Variants in SCNN1B observed in about 807,000 individuals in gnomAD.
The protein encoded by SCNN1B is epithelial sodium channel subunit beta.
Under a neutral mutation model 65.3 loss-of-function variants are expected in SCNN1B, and 46 were observed. The observed-to-expected ratio is 0.70, with a 90% CI of 0.56 to 0.90. The LOEUF (loss-of-function observed/expected upper bound fraction) is 0.90. SCNN1B is among the 40% of genes least tolerant of loss of function. The probability of loss-of-function intolerance (pLI) is 0.00; values close to 1 mark genes in which losing one functional copy is unlikely to be tolerated. For synonymous variants in SCNN1B, 349 were observed against 330.6 expected, an observed-to-expected ratio of 1.06 and a Z score of -0.60; for missense variants, 751 against 830.5, an observed-to-expected ratio of 0.90 and a Z score of 1.18.
At chr16:23,360,449 T>C (rs959331222) in intron 4 of SCNN1B, among the ~76,000 whole-genome samples, 5 of 151,976 alleles carry the variant, frequency 3.3e-5, no homozygotes, top group African/African-American at 1.2e-4. Flanking sequence ...CTCTGGAGGC[T>C]GAGGGGGAAG....
At chr16:23,334,312 A>G (rs2142003936) in intron 1 of SCNN1B, among the ~76,000 whole-genome samples, 1 of 152,306 alleles carries the variant, frequency 6.6e-6, no homozygotes, top group South Asian at 2.1e-4. Flanking sequence ...ATTGCTGTAA[A>G]TTCTTAGCAT....
intron 7 of SCNN1B, among the ~76,000 whole-genome samples, chr16:23,372,819 G>A (rs993918629): frequency 8.0e-5 from 12 of 150,174 alleles, no homozygotes; most frequent in Admixed American, 2.0e-4. Flanking sequence ...AAAAGAGATT[G>A]CTGGGCATGG....
intron 1 of SCNN1B, among the ~76,000 whole-genome samples, chr16:23,314,177 G>C (rs984002390): frequency 1.3e-5 from 2 of 151,712 alleles, no homozygotes; most frequent in African/African-American, 4.8e-5. Flanking sequence ...ACACCACTAC[G>C]GCCAGCTAAC....
intron 1 of SCNN1B, among the ~76,000 whole-genome samples, chr16:23,321,427 T>C (rs1427065430): frequency 6.6e-6 from 1 of 151,886 alleles, no homozygotes; most frequent in Non-Finnish European, 1.5e-5. Flanking sequence ...TGAGTGGGGG[T>C]GTGAGCAGGG....
intron 2 of SCNN1B, among the ~76,000 whole-genome samples, chr16:23,292,387 C>T (rs532124475): frequency 2.2e-4 from 33 of 151,582 alleles, no homozygotes; most frequent in Non-Finnish European, 3.8e-4. Flanking sequence ...TTAGTAGAGA[C>T]GGGGTTTCAC....
At position 23,348,707 on chromosome 16, in the gene SCNN1B, C is replaced by A. The variant is rs766887632; in HGVS notation, c.108C>A (p.His36Gln). Reference protein sequence around the residue: ...LVWYCDNTNTHGPKRIICEGP... With the variant: ...LVWYCDNTNTQGPKRIICEGP... Reference sequence around the variant, plus strand: ...GGTACTGCGACAACACCAACACCCACGGCCCCAAGCGCATCATCTGTGAGG... The same window carrying A: ...GGTACTGCGACAACACCAACACCCAAGGCCCCAAGCGCATCATCTGTGAGG... The change falls in exon 2 of 13, where the codon CAC becomes CAA. Residue 36 changes from histidine to glutamine, a missense_variant. By Grantham distance (24) the His-to-Gln change is conservative. Transcript: ENST00000343070. This position sits in a 1 kb window ranked among gnomAD's most constrained non-coding sequence, Gnocchi z 4.5. 1.2e-6 allele frequency: 2 copies of A among 1,614,134 alleles called. No individual in the cohort carries two copies. Among genetic ancestry groups the A allele is most frequent in the Non-Finnish European group, 1.7e-6 (2 of 1,180,032 alleles).
At chr16:23,323,259 T>C (rs1961625424) in intron 1 of SCNN1B, among the ~76,000 whole-genome samples, 1 of 151,486 alleles carries the variant, frequency 6.6e-6, no homozygotes, top group African/African-American at 2.4e-5. Context: ...CACAGAGGAC[T>C]TCTTGGAGGA....
chr16:23,279,957 C>A (rs774245180), intron 1 of SCNN1B, among the ~76,000 whole-genome samples: 2 of 152,176 alleles, frequency 1.3e-5, no homozygotes, highest in African/African-American at 2.4e-5. Context: ...CCTGCTGAGA[C>A]TTGTCGGTTG....
chr16:23,329,113 CATT>C (rs1477321888), intron 1 of SCNN1B, among the ~76,000 whole-genome samples: 1 of 134,004 alleles, frequency 7.5e-6, no homozygotes. Context: ...TTATTATTAT[CATT>C]ATTATTATTA....
chr16:23,359,862 TGGTGCAATGC>T lies in SCNN1B; in HGVS notation c.776+4374_776+4383del, dbSNP rs1962501001. On this transcript the variant is annotated intron_variant, in intron 4 of 12. Transcript: ENST00000343070. The stretch of plus-strand genomic sequence containing the variant: ...TAAATGAGAACATATGCAAAGTACC[TGGTGCAATGC>T]CTGGCACATAGTAAACATTATAGGA... Among the ~76,000 whole-genome samples, 3 of 152,344 alleles carry T rather than the reference TGGTGCAATGC, an allele frequency of 2.0e-5. No homozygotes were observed. In the East Asian group the frequency reaches 5.8e-4, roughly 29 times the overall value.
chr16:23,296,317 C>T (rs1960996505), intron 2 of SCNN1B, among the ~76,000 whole-genome samples: 1 of 152,148 alleles, frequency 6.6e-6, no homozygotes. Context: ...CTCCTGACTG[C>T]TTATTTTCCA....
At chr16:23,340,345 A>G (rs1449788964) in intron 1 of SCNN1B, among the ~76,000 whole-genome samples, 3 of 152,198 alleles carry the variant, frequency 2.0e-5, no homozygotes, top group Non-Finnish European at 2.9e-5. Flanking sequence ...TTAGTGTCCT[A>G]TCTGAAGATC....
At chr16:23,332,532 A>C (rs962402213) in intron 1 of SCNN1B, among the ~76,000 whole-genome samples, 39 of 151,548 alleles carry the variant, frequency 2.6e-4, no homozygotes, top group African/African-American at 9.0e-4. Context: ...GGATCTCACT[A>C]TGTCGCCAGG....
intron 4 of SCNN1B, 105 bp downstream of exon 4, chr16:23,355,594 C>A: frequency 8.7e-7 from 1 of 1,147,858 alleles, no homozygotes; most frequent in Non-Finnish European, 1.3e-6. Context: ...TGCCCAGCCA[C>A]TTACCGGCTA....
At position 23,348,799 on chromosome 16, in the gene SCNN1B, G is replaced by A; in HGVS notation, c.200G>A (p.Trp67Ter). 6.2e-7 allele frequency: 1 copy of A among 1,614,184 alleles called. No individual in the cohort carries two copies. The highest frequency in any genetic ancestry group is 8.5e-7 in the Non-Finnish European group (1 of 1,180,044). The change falls in exon 2 of 13, where the codon TGG (tryptophan) becomes TAG (stop). Residue 67 changes from tryptophan to a stop codon, truncating the protein, a stop_gained. Transcript: ENST00000343070. LOFTEE classifies it high-confidence loss of function. The surrounding 1 kb of genome is among the most constrained non-coding windows in gnomAD (Gnocchi z 4.5). ...LLFAALVCWQ[W>*]GIFIRTYLSW... is the part of the protein sequence containing the mutation. Reference sequence around the variant, plus strand: ...TTCGCCGCCCTCGTCTGCTGGCAGTGGGGCATCTTCATCAGGACCTACTTG... The same window carrying A: ...TTCGCCGCCCTCGTCTGCTGGCAGTAGGGCATCTTCATCAGGACCTACTTG...
At chr16:23,359,823 C>T (rs369919115) in intron 4 of SCNN1B, among the ~76,000 whole-genome samples, 26 of 152,320 alleles carry the variant, frequency 1.7e-4, no homozygotes, top group South Asian at 1.4e-3. Context: ...AACCACATAG[C>T]ATTATTGGGG....
Position 23,353,052 on chromosome 16 carries a change from G to T in SCNN1B, c.563G>T (p.Gly188Val). 1 of 1,614,104 alleles carries T rather than the reference G, an allele frequency of 6.2e-7. No individual in the cohort carries two copies. The highest frequency in any genetic ancestry group is 8.5e-7 in the Non-Finnish European group (1 of 1,180,026). ...TCAGAAAAGATCTGTAATGCCCACG[G>T]GTGCAAAATGGCCATGAGACTAGTA... ...SASEKICNAH[G>V]CKMAMRLCSL... Residue 188 changes from glycine to valine, a missense_variant, in exon 3 of 13, where the codon GGG (glycine) becomes GTG (valine). Transcript: ENST00000343070.
rs1428360116 is a variant in SCNN1B at position 23,334,396 on chromosome 16, A to ACAGT, written c.-8-14194_-8-14193insGTCA. Reference sequence around the variant, plus strand: ...GCCTTTTTCGAGTCATGGACTATATACATGCATACTGTATGCACAGGATTC... The same window carrying ACAGT: ...GCCTTTTTCGAGTCATGGACTATATACAGTCATGCATACTGTATGCACAGGATTC... On this transcript the variant is annotated intron_variant, in intron 1 of 12. Coordinates refer to ENST00000343070, the MANE Select transcript of SCNN1B (RefSeq NM_000336.3). Among the ~76,000 whole-genome samples the ACAGT allele has an allele frequency of 3.3e-5, 5 of 152,184 alleles. No individual in the cohort carries two copies. In the East Asian group the frequency reaches 9.6e-4, roughly 29 times the overall value.
intron 4 of SCNN1B, among the ~76,000 whole-genome samples, chr16:23,365,018 C>T (rs749904716): frequency 2.0e-5 from 3 of 151,824 alleles, no homozygotes; most frequent in Admixed American, 6.6e-5. Context: ...CCCAGCTACT[C>T]GGGAGGCTGA....
Sources: gnomAD v4.1 joint callset for allele counts (sites outside exome capture counted in the v4.1 genomes callset) on GRCh38, gnomAD v4.1.1 for gene constraint, Gnocchi (gnomAD v3.1) non-coding constraint, MANE v1.5 for transcripts, NCBI Gene and HGNC (gene_info 2026-07-23, HGNC 2026-07-21) for gene names.